The following HERC5 variants were observed in gnomAD, a reference collection of about 807,000 sequenced individuals.
HERC5 encodes the protein HECT and RLD domain containing E3 ubiquitin protein ligase 5, also known as E3 ISG15--protein ligase HERC5.
HERC5 carries 99 observed loss-of-function variants against 119.6 expected under a neutral mutation model. The observed-to-expected ratio is 0.83, with a 90% confidence interval of 0.70 to 0.98. The LOEUF (loss-of-function observed/expected upper bound fraction) is 0.98, where lower values mean the gene tolerates loss of function less well. Among genes scored for constraint, HERC5 ranks in the 50% least tolerant of loss-of-function variants. The pLI is 0.00. For missense variants in HERC5, 1,267 were observed against 1,241.3 expected, an observed-to-expected ratio of 1.02 and a Z score of -0.31; for synonymous variants, 478 against 445.9, an observed-to-expected ratio of 1.07 and a Z score of -0.91.
At chr4:88,482,461 C>T (rs911642191) in intron 13 of HERC5, among the ~76,000 whole-genome samples, 12 of 152,150 alleles carry the variant, frequency 7.9e-5, no homozygotes, top group African/African-American at 2.4e-4. Context: ...GTCTGAATTC[C>T]ATCCCATCTC....
Position 88,463,903 on chromosome 4 carries a change from C to G in HERC5, c.829C>G (p.His277Asp). Reference protein sequence around the residue: ...FGAGKHGQLGHNSTQNELRPC... With the variant: ...FGAGKHGQLGDNSTQNELRPC... ...TGCTGGAAAACATGGGCAACTTGGT[C>G]ATAATTCAACACAGAATGAGCTAAG... Residue 277 changes from histidine (H) to aspartate (D), a missense_variant, in exon 6 of 23, where the codon CAT (histidine) becomes GAT (aspartate). His to Asp is a moderately conservative substitution (Grantham distance 81). Transcript: ENST00000264350. 6.2e-7 allele frequency: 1 copy of G among 1,613,878 alleles called. No homozygotes were observed. The highest frequency in any genetic ancestry group is 1.1e-5 in the South Asian group (1 of 91,044).
intron 18 of HERC5, among the ~76,000 whole-genome samples, chr4:88,499,597 C>T (rs1741891855): frequency 6.6e-6 from 1 of 152,178 alleles, no homozygotes; most frequent in Admixed American, 6.5e-5. Flanking sequence ...ATAAAGGTAA[C>T]ACCAGTTTGA....
chr4:88,488,239 T>C (rs570941120), intron 15 of HERC5, among the ~76,000 whole-genome samples: 2 of 150,998 alleles, frequency 1.3e-5, no homozygotes, highest in East Asian at 1.9e-4. Context: ...TTTTTCTTTT[T>C]TTTTTTTTTT....
In HERC5 at chr4:88,469,151, T is replaced by C. The variant is rs1164959520; in HGVS notation, c.1135-6T>C. On this transcript the variant is annotated splice_region_variant and splice_polypyrimidine_tract_variant and intron_variant, in intron 8 of 22. Coordinates refer to ENST00000264350, the MANE Select transcript of HERC5 (RefSeq NM_016323.4). ...TATTGTATTTTACTTTCCTGTTTGT[T>C]TACAGAATTCATATGTTAATCTGAA... 1.9e-6 allele frequency: 3 copies of C among 1,583,020 alleles called. No individual in the cohort carries two copies. Among genetic ancestry groups the C allele is most frequent in the Non-Finnish European group, 1.7e-6 (2 of 1,153,732 alleles).
At chr4:88,483,503 A>G (rs1741352477) in intron 13 of HERC5, among the ~76,000 whole-genome samples, 1 of 138,776 alleles carries the variant, frequency 7.2e-6, no homozygotes, top group African/African-American at 2.7e-5. Flanking sequence ...GTAAGCCACC[A>G]CACCGGCTCT....
At chr4:88,485,471 C>A (rs1431198507) in intron 13 of HERC5, among the ~76,000 whole-genome samples, 2 of 152,142 alleles carry the variant, frequency 1.3e-5, no homozygotes, top group African/African-American at 4.8e-5. Flanking sequence ...GGACGAGAGT[C>A]AATAAGAACA....
chr4:88,464,071 G>A, intron 6 of HERC5, 86 bp downstream of exon 6: 3 of 1,163,098 alleles, frequency 2.6e-6, no homozygotes, highest in Non-Finnish European at 3.5e-6. Context: ...CAGTTTCTTT[G>A]AGATGTATCA....
In HERC5 at chr4:88,460,149, C is replaced by T. The variant is rs1371771409; in HGVS notation, c.444C>T (p.Tyr148=). Residue 148 remains tyrosine, a synonymous_variant, in exon 3 of 23, where the codon TAC becomes TAT. Coordinates refer to ENST00000264350, the MANE Select transcript of HERC5 (RefSeq NM_016323.4). ...KKIIQITCGD[Y]HSLALSKGGE... ...TAATTCAGATCACATGTGGAGATTA[C>T]CATTCTCTTGCACTCTCAAAAGGTA... 6.3e-7 allele frequency: 1 copy of T among 1,583,326 alleles called. No individual in the cohort carries two copies.
chr4:88,485,756 C>G (rs1349842149), intron 13 of HERC5, among the ~76,000 whole-genome samples: 2 of 151,862 alleles, frequency 1.3e-5, no homozygotes, highest in Non-Finnish European at 2.9e-5. Flanking sequence ...GAGTGAATGT[C>G]TATAAGTGGT....
chr4:88,506,094 CT>C lies in HERC5; in HGVS notation c.*217del. ...ACTGTATTCTCTCCCTTGGATACCC[CT>C]ATGCCTACATCATATTCCTTACCTC... On this transcript the variant is annotated 3_prime_UTR_variant, in exon 23 of 23. Coordinates refer to ENST00000264350, the MANE Select transcript of HERC5 (RefSeq NM_016323.4). 1.9e-6 allele frequency: 1 copy of C among 536,166 alleles called. No individual in the cohort carries two copies. Among genetic ancestry groups the C allele is most frequent in the Non-Finnish European group, 3.3e-6 (1 of 304,958 alleles). 33.2% of individuals were successfully genotyped at this position (536,166 alleles called of 1,614,324 possible).
rs372129026 is a variant in HERC5, at chr4:88,486,811, AG to A, written c.1852-257del. On this transcript the variant is annotated intron_variant, in intron 14 of 22. Transcript: ENST00000264350. ...ACATGGTAGAAACTCAGGTTTCAGCAGAACAGACTCTTTGGGAAAGCATCCA... is the reference window on the plus strand; with the variant it reads ...ACATGGTAGAAACTCAGGTTTCAGCAAACAGACTCTTTGGGAAAGCATCCA... Among the ~76,000 whole-genome samples the A allele has an allele frequency of 5.9e-3, 906 of 152,368 alleles. 11 individuals carry two copies. The highest frequency in any genetic ancestry group is 6.8e-3 in the Middle Eastern group (2 of 294).
At chr4:88,497,639 G>A (rs757363165) in intron 18 of HERC5, among the ~76,000 whole-genome samples, 1 of 152,130 alleles carries the variant, frequency 6.6e-6, no homozygotes, top group Non-Finnish European at 1.5e-5. Context: ...TATTTAAAGT[G>A]GAATTTATCA....
intron 17 of HERC5, 106 bp downstream of exon 17, chr4:88,493,261 T>C: frequency 3.2e-6 from 3 of 949,836 alleles, no homozygotes; most frequent in Non-Finnish European, 1.6e-6. Context: ...AGAGGAGTAT[T>C]GATATAATTA....
At chr4:88,478,683 C>A (rs1390255073) in intron 12 of HERC5, among the ~76,000 whole-genome samples, 1 of 152,124 alleles carries the variant, frequency 6.6e-6, no homozygotes, top group African/African-American at 2.4e-5. Context: ...ACAATCTCAG[C>A]TCACTGCAGC....
intron 20 of HERC5, among the ~76,000 whole-genome samples, chr4:88,502,368 T>C (rs1003119434): frequency 1.3e-5 from 2 of 152,124 alleles, no homozygotes; most frequent in African/African-American, 2.4e-5. Context: ...AATGGGGCTT[T>C]TTGGGGAGAG....
rs1740166624 is a variant in HERC5 at position 88,457,130 on chromosome 4, C to T, written c.-140C>T. On this transcript the variant is annotated 5_prime_UTR_variant, in exon 1 of 23. Coordinates refer to ENST00000264350, the MANE Select transcript of HERC5 (RefSeq NM_016323.4). ...CCCGGCAGGGGCTCAGTAGCTGAGG[C>T]TGCGGTTCCCCGACGCCACGCAGCT... The T allele has an allele frequency of 8.1e-7, 1 of 1,232,138 alleles. No individual in the cohort carries two copies. The highest frequency in any genetic ancestry group is 1.0e-6 in the Non-Finnish European group (1 of 987,746). The allele number at this position is 1,232,138 out of a possible 1,614,324, so 76.3% of individuals were successfully genotyped here.
chr4:88,472,302 A>C, intron 10 of HERC5, 107 bp from the exon 11 acceptor site: 1 of 689,582 alleles, frequency 1.5e-6, no homozygotes, highest in East Asian at 2.5e-5. Context: ...TTATAGTTAC[A>C]CACTTGAGAA....
At chr4:88,462,387 C>A (rs779288540) in intron 4 of HERC5, 31 bp downstream of exon 4, 2 of 1,554,548 alleles carry the variant, frequency 1.3e-6, no homozygotes, top group Non-Finnish European at 1.8e-6. Flanking sequence ...TTCCTATTAC[C>A]AACAGATATA....
intron 13 of HERC5, among the ~76,000 whole-genome samples, chr4:88,479,926 G>C (rs1741220134): frequency 6.6e-6 from 1 of 152,034 alleles, no homozygotes; most frequent in African/African-American, 2.4e-5. Context: ...AATTAGCTGG[G>C]CGTGGTGGCG....
Sources: gnomAD v4.1 joint callset for allele counts (sites outside exome capture counted in the v4.1 genomes callset) on GRCh38, gnomAD v4.1.1 for gene constraint, MANE v1.5 for transcripts, NCBI Gene and HGNC (gene_info 2026-07-23, HGNC 2026-07-21) for gene names.